Variants in DNAJC7 observed in about 807,000 individuals in gnomAD.
The protein encoded by DNAJC7 is DnaJ heat shock protein family (Hsp40) member C7.
A neutral mutation model predicts 67.4 loss-of-function variants in DNAJC7; 18 were observed. That is an observed-to-expected ratio of 0.27 (90% CI 0.18 to 0.40). DNAJC7 has a LOEUF of 0.40. Among genes scored for constraint, DNAJC7 ranks in the 10% least tolerant of loss-of-function variants. DNAJC7 has a pLI of 1.00. For synonymous variants in DNAJC7, 220 were observed against 207.8 expected, an observed-to-expected ratio of 1.06 and a Z score of -0.50; for missense variants, 419 against 613.8, an observed-to-expected ratio of 0.68 and a Z score of 3.35.
chr17:41,988,762 G>A lies in DNAJC7; in HGVS notation c.888C>T (p.Leu296=), dbSNP rs374969650. Reference sequence around the variant, plus strand: ...AATTAACCGTACCCCGATTACAGTAGAGTTTAGCATTTGTTTTTATATTGT... The same window carrying A: ...AATTAACCGTACCCCGATTACAGTAAAGTTTAGCATTTGTTTTTATATTGT... ...DPNNIKTNAK[L]YCNRGTVNSK... is the part of the protein sequence containing the mutation. Residue 296 remains leucine (L), a synonymous_variant, in exon 8 of 14, where the codon CTC becomes CTT. Coordinates refer to ENST00000457167, the MANE Select transcript of DNAJC7 (RefSeq NM_003315.4). 6.2e-7 allele frequency: 1 copy of A among 1,610,786 alleles called. No homozygotes were observed. Among genetic ancestry groups the A allele is most frequent in the Non-Finnish European group, 8.5e-7 (1 of 1,178,968 alleles).
At chr17:42,005,304 A>G (rs1026783463) in intron 1 of DNAJC7, among the ~76,000 whole-genome samples, 1 of 152,214 alleles carries the variant, frequency 6.6e-6, no homozygotes, top group African/African-American at 2.4e-5. Flanking sequence ...GCTCAACTAA[A>G]TTAAAAACAC....
chr17:41,984,839 T>A (rs999275847), intron 9 of DNAJC7: 10 of 152,114 alleles, frequency 6.6e-5, no homozygotes, highest in African/African-American at 2.4e-4. Flanking sequence ...TTTCTTTTTT[T>A]TTTTTGACAC....
chr17:41,982,687 A>G (rs1223213321), intron 10 of DNAJC7, among the ~76,000 whole-genome samples: 1 of 152,212 alleles, frequency 6.6e-6, no homozygotes, highest in Non-Finnish European at 1.5e-5. Context: ...CACGAAAGAA[A>G]GGAGGGGCCC....
chr17:42,002,598 C>T (rs764173574), intron 1 of DNAJC7, among the ~76,000 whole-genome samples: 1 of 152,142 alleles, frequency 6.6e-6, no homozygotes, highest in South Asian at 2.1e-4. Flanking sequence ...TTCATTATTC[C>T]CATTTTTCAA....
chr17:41,996,663 C>A (rs1555648688), intron 3 of DNAJC7, among the ~76,000 whole-genome samples: 1 of 152,040 alleles, frequency 6.6e-6, no homozygotes, highest in Non-Finnish European at 1.5e-5. Context: ...AAAAATTAGC[C>A]GGGTGTGGTG....
intron 1 of DNAJC7, 146 bp from the exon 2 acceptor site, chr17:42,000,716 T>C: frequency 3.4e-6 from 2 of 584,326 alleles, no homozygotes; most frequent in South Asian, 2.5e-5. Context: ...ATTTGTTGAA[T>C]AGGCCAATGG....
intron 12 of DNAJC7, chr17:41,977,697 C>A: frequency 6.0e-6 from 1 of 167,036 alleles, no homozygotes; most frequent in East Asian, 1.7e-4. Context: ...TAAAATGTAT[C>A]ACTTAAATGT....
chr17:42,008,264 A>G (rs1255939918), intron 1 of DNAJC7, among the ~76,000 whole-genome samples: 117 of 148,986 alleles, frequency 7.9e-4, no homozygotes, highest in African/African-American at 2.7e-3. Flanking sequence ...GTGAGCCGAG[A>G]CTGTGCCATT....
chr17:41,979,906 A>C (rs1318823509), intron 12 of DNAJC7, among the ~76,000 whole-genome samples: 1 of 151,450 alleles, frequency 6.6e-6, no homozygotes, highest in East Asian at 2.0e-4. Flanking sequence ...GGTTGCAGTG[A>C]GTCGAGATGG....
intron 5 of DNAJC7, among the ~76,000 whole-genome samples, chr17:41,994,190 G>T (rs2051591752): frequency 6.6e-6 from 1 of 151,798 alleles, no homozygotes; most frequent in South Asian, 2.1e-4. Flanking sequence ...ACAAAAATTA[G>T]CTGGGCGTGG....
intron 2 of DNAJC7, among the ~76,000 whole-genome samples, chr17:42,000,267 C>T (rs113287335): frequency 0.12 from 17,451 of 150,788 alleles, 1,113 homozygotes; most frequent in African/African-American, 0.17. Context: ...TACAGGTGCC[C>T]GCCACCAGGC....
Position 41,980,657 on chromosome 17 carries a change from C to CA in DNAJC7, c.1384+1197dup, listed in dbSNP as rs369907874. 4.8e-3 allele frequency among the ~76,000 whole-genome samples: 735 copies of CA among 152,248 alleles called. 6 individuals carry two copies. The highest frequency in any genetic ancestry group is 0.017 in the African/African-American group (714 of 41,536). Reference sequence around the variant, plus strand: ...AGGTGATCTGCCCGCCTTGGCTTCCCAAAGTGCTGGGATTACAGGCGTAAG... The same window carrying CA: ...AGGTGATCTGCCCGCCTTGGCTTCCCAAAAGTGCTGGGATTACAGGCGTAAG... On this transcript the variant is annotated intron_variant, in intron 12 of 13. Coordinates refer to ENST00000457167, the MANE Select transcript of DNAJC7 (RefSeq NM_003315.4).
intron 5 of DNAJC7, among the ~76,000 whole-genome samples, chr17:41,993,336 G>A (rs2051558739): frequency 6.6e-6 from 1 of 152,164 alleles, no homozygotes; most frequent in Non-Finnish European, 1.5e-5. Context: ...GTGGCCGCCT[G>A]TAGTCCCAGC....
chr17:41,979,011 G>A (rs1475476307), intron 12 of DNAJC7, among the ~76,000 whole-genome samples: 1 of 152,142 alleles, frequency 6.6e-6, no homozygotes, highest in African/African-American at 2.4e-5. Context: ...AACTGGAGAG[G>A]ACTCAGCATT....
At position 41,976,693 on chromosome 17, in the gene DNAJC7, G is replaced by A; in HGVS notation, c.*40C>T. The stretch of plus-strand genomic sequence containing the variant: ...GTTTCCACATTCAAGATTAAACTGA[G>A]TGAATCTGCATTTTCTGGGTTCTGG... On this transcript the variant is annotated 3_prime_UTR_variant, in exon 14 of 14. Coordinates refer to ENST00000457167, the MANE Select transcript of DNAJC7 (RefSeq NM_003315.4). 2 of 1,605,026 alleles carry A rather than the reference G, an allele frequency of 1.2e-6. No homozygotes were observed. The highest frequency in any genetic ancestry group is 1.1e-5 in the South Asian group (1 of 90,588).
chr17:42,015,910 A>G (rs1184057395), intron 1 of DNAJC7: 1 of 152,148 alleles, frequency 6.6e-6, no homozygotes, highest in African/African-American at 2.4e-5. Context: ...ATAAAGAACC[A>G]CTGAACTCTT....
chr17:42,002,533 A>G (rs1244984168), intron 1 of DNAJC7, among the ~76,000 whole-genome samples: 1 of 152,202 alleles, frequency 6.6e-6, no homozygotes, highest in Non-Finnish European at 1.5e-5. Flanking sequence ...ACTAATAACT[A>G]CTGAGGCCAG....
At chr17:41,978,329 T>C (rs1555645297) in intron 12 of DNAJC7, among the ~76,000 whole-genome samples, 5 of 152,192 alleles carry the variant, frequency 3.3e-5, no homozygotes, top group Admixed American at 2.6e-4. Flanking sequence ...CCTGGGCTCC[T>C]GGCTTAGTGA....
intron 3 of DNAJC7, among the ~76,000 whole-genome samples, chr17:41,996,673 G>A (rs969509647): frequency 1.3e-5 from 2 of 152,174 alleles, no homozygotes; most frequent in Non-Finnish European, 2.9e-5. Flanking sequence ...CGGGTGTGGT[G>A]GCATATGCCT....
Sources: allele counts gnomAD v4.1 joint callset (sites outside exome capture counted in the v4.1 genomes callset), GRCh38; gene constraint gnomAD v4.1.1; transcripts MANE v1.5; gene names NCBI Gene and HGNC (gene_info 2026-07-23, HGNC 2026-07-21).